Variants in TRPM1 observed in about 807,000 individuals in gnomAD.
TRPM1 encodes the protein transient receptor potential cation channel subfamily M member 1.
Under a neutral mutation model 149.4 loss-of-function variants are expected in TRPM1, and 113 were observed. That is an observed-to-expected ratio of 0.76 (90% confidence interval 0.65 to 0.88). TRPM1 has a LOEUF of 0.88. Among genes scored for constraint, TRPM1 ranks in the 40% least tolerant of loss-of-function variants. The probability of loss-of-function intolerance (pLI) is 0.00; values close to 1 mark genes in which losing one functional copy is unlikely to be tolerated. For missense variants in TRPM1, 1,976 were observed against 2,038.7 expected, an observed-to-expected ratio of 0.97 and a Z score of 0.59; for synonymous variants, 741 against 759.5, an observed-to-expected ratio of 0.98 and a Z score of 0.40.
intron 1 of TRPM1, among the ~76,000 whole-genome samples, chr15:31,092,982 C>G (rs777583613): frequency 3.3e-5 from 5 of 152,094 alleles, no homozygotes; most frequent in African/African-American, 1.2e-4. Flanking sequence ...AATAAGGGGC[C>G]GGGCACAGTG....
intron 27 of TRPM1, among the ~76,000 whole-genome samples, chr15:31,016,839 C>T (rs989335907): frequency 1.3e-5 from 2 of 152,070 alleles, no homozygotes; most frequent in African/African-American, 4.8e-5. Context: ...CTTAATCAGT[C>T]ATGATTAATA....
Position 31,020,469 on chromosome 15 carries a change from G to A in TRPM1, c.3629+5670C>T, listed in dbSNP as rs778610809. On this transcript the variant is annotated intron_variant, in intron 27 of 27. Coordinates refer to ENST00000256552, the MANE Select transcript of TRPM1 (RefSeq NM_001252024.2). ...TGCCTTTCGGCTGTACGGTGTCACC[G>A]ATGAAGGTCATGGGAACCACACTGA... Among the ~76,000 whole-genome samples the A allele has an allele frequency of 5.3e-5, 8 of 152,318 alleles. No homozygotes were observed. The East Asian group carries it at 5.8e-4, about 11-fold the overall frequency.
chr15:31,149,743 T>C (rs112543556), intron 1 of TRPM1, among the ~76,000 whole-genome samples: 1,817 of 152,072 alleles, frequency 0.012, 13 homozygotes, highest in Non-Finnish European at 0.017. Context: ...ATGGTCTCGA[T>C]CTCCTGACCT....
At chr15:31,043,953 G>A (rs913732606) in intron 16 of TRPM1, among the ~76,000 whole-genome samples, 5 of 152,128 alleles carry the variant, frequency 3.3e-5, no homozygotes, top group African/African-American at 1.2e-4. Context: ...AACTGGGAGT[G>A]TAAGGAAAAA....
chr15:31,072,014 T>G (rs200627879), intron 3 of TRPM1, among the ~76,000 whole-genome samples: 3,906 of 27,580 alleles, frequency 0.14, 80 homozygotes, highest in East Asian at 0.21. Context: ...TATATATATA[T>G]ATATAGAGAG....
At chr15:31,027,173 C>T in intron 25 of TRPM1, 56 bp from the exon 26 acceptor site, 1 of 1,545,374 alleles carries the variant, frequency 6.5e-7, no homozygotes, top group Admixed American at 1.7e-5. Context: ...AGTGATTTCC[C>T]AGAGCAGTCA....
intron 27 of TRPM1, among the ~76,000 whole-genome samples, chr15:31,012,592 A>T (rs1370243134): frequency 6.6e-6 from 1 of 152,086 alleles, no homozygotes; most frequent in East Asian, 1.9e-4. Flanking sequence ...ATTGGTATGG[A>T]TCTCCTTGAG....
rs201668928 is a variant in TRPM1, at chr15:31,001,945, A to G, written c.4755T>C (p.Ile1585=). ...LHGHPRNVKS[I]QGKLDRSGHA... is the part of the protein sequence containing the mutation. ...GTCCAGATCTGTCTAACTTTCCCTGAATGGATTTCACATTCCTAGGATGTC... is the reference window on the plus strand; with the variant it reads ...GTCCAGATCTGTCTAACTTTCCCTGGATGGATTTCACATTCCTAGGATGTC... Residue 1585 remains isoleucine, a synonymous_variant, in exon 28 of 28, where the codon ATT becomes ATC. Coordinates refer to ENST00000256552, the MANE Select transcript of TRPM1 (RefSeq NM_001252024.2). 6.9e-5 allele frequency: 112 copies of G among 1,614,034 alleles called. No individual in the cohort carries two copies. Among genetic ancestry groups the G allele is most frequent in the Non-Finnish European group, 9.1e-5 (107 of 1,180,034 alleles).
chr15:31,063,082 A>G (rs774967167), intron 8 of TRPM1, 36 bp downstream of exon 8: 2 of 1,613,538 alleles, frequency 1.2e-6, no homozygotes, highest in Non-Finnish European at 8.5e-7. Flanking sequence ...AGAGGGAGTT[A>G]CGAACCCGCC....
At chr15:31,024,808 T>C (rs1048980192) in intron 27 of TRPM1, among the ~76,000 whole-genome samples, 6 of 152,378 alleles carry the variant, frequency 3.9e-5, no homozygotes, top group Non-Finnish European at 5.9e-5. Context: ...ATAATTTTTA[T>C]ACCTTGAAAG....
intron 27 of TRPM1, among the ~76,000 whole-genome samples, chr15:31,021,534 A>G (rs1000614154): frequency 6.6e-6 from 1 of 152,076 alleles, no homozygotes; most frequent in Non-Finnish European, 1.5e-5. Flanking sequence ...TGTATCTACA[A>G]AATATGCAAA....
chr15:31,011,824 A>G (rs1474262918), intron 27 of TRPM1, among the ~76,000 whole-genome samples: 4 of 151,912 alleles, frequency 2.6e-5, no homozygotes, highest in African/African-American at 9.7e-5. Flanking sequence ...GCCACCACAC[A>G]GGCTAATTTT....
intron 11 of TRPM1, among the ~76,000 whole-genome samples, chr15:31,056,911 C>T (rs1478657108): frequency 6.6e-6 from 1 of 152,200 alleles, no homozygotes. Flanking sequence ...CTGTGGTATT[C>T]TGTTACAGAA....
In TRPM1 at chr15:31,101,547, T is replaced by C. The variant is rs374320876; in HGVS notation, c.-84+110A>G. On this transcript the variant is annotated intron_variant, in intron 1 of 27. Coordinates refer to ENST00000256552, the MANE Select transcript of TRPM1 (RefSeq NM_001252024.2). ...GAGGTTACCAACACCTGAGCTTAACTGCATCTGTGGTTATCTGCACCTGAG... is the reference window on the plus strand; with the variant it reads ...GAGGTTACCAACACCTGAGCTTAACCGCATCTGTGGTTATCTGCACCTGAG... 47 of 618,456 alleles carry C rather than the reference T, an allele frequency of 7.6e-5. 1 individual carries two copies. In the East Asian group the frequency reaches 3.9e-3, roughly 51 times the overall value. 38.3% of individuals were successfully genotyped at this position (618,456 alleles called of 1,614,324 possible).
intron 11 of TRPM1, among the ~76,000 whole-genome samples, chr15:31,054,871 T>C (rs2034042948): frequency 6.6e-6 from 1 of 152,212 alleles, no homozygotes; most frequent in East Asian, 1.9e-4. Flanking sequence ...TGTTGTACAA[T>C]AGGTCTCCAG....
At position 31,041,819 on chromosome 15, in the gene TRPM1, C is replaced by T. The variant is rs189480480; in HGVS notation, c.2087+132G>A. 3.7e-4 allele frequency: 379 copies of T among 1,022,144 alleles called. 6 individuals are homozygous for T. The East Asian group carries it at 8.3e-3, about 22-fold the overall frequency. The allele number at this position is 1,022,144 out of a possible 1,614,324, so 63.3% of individuals were successfully genotyped here. A position where few individuals can be genotyped will look rare whatever the true frequency, so the allele number is the denominator to read the frequency against. Reference sequence around the variant, plus strand: ...GAAAGAAAAATGCTGACATGACAGACGAAGTGATTTGTGAACAAGCTTTAA... The same window carrying T: ...GAAAGAAAAATGCTGACATGACAGATGAAGTGATTTGTGAACAAGCTTTAA... On this transcript the variant is annotated intron_variant, in intron 17 of 27. Transcript: ENST00000256552.
intron 2 of TRPM1, among the ~76,000 whole-genome samples, chr15:31,078,641 C>T (rs947637934): frequency 5.9e-5 from 9 of 152,272 alleles, no homozygotes; most frequent in African/African-American, 1.9e-4. Context: ...AAGCATGGAG[C>T]GGGAGCCTCT....
intron 4 of TRPM1, chr15:31,069,747 C>A: frequency 4.9e-6 from 7 of 1,437,980 alleles, no homozygotes; most frequent in African/African-American, 1.4e-5. Flanking sequence ...GAAGATGGAG[C>A]AATGGAGTGT....
chr15:31,001,569 T>A lies in TRPM1; in HGVS notation c.*253A>T. 1 of 561,078 alleles carries A rather than the reference T, an allele frequency of 1.8e-6. No homozygotes were observed. The highest frequency in any genetic ancestry group is 3.1e-6 in the Non-Finnish European group (1 of 318,456). The allele number at this position is 561,078 out of a possible 1,614,324, so 34.8% of individuals were successfully genotyped here. A position where few individuals can be genotyped will look rare whatever the true frequency, so the allele number is the denominator to read the frequency against. On this transcript the variant is annotated 3_prime_UTR_variant, in exon 28 of 28. Coordinates refer to ENST00000256552, the MANE Select transcript of TRPM1 (RefSeq NM_001252024.2). ...GTAATAAAGAGATTGTATAATCTTG[T>A]ATACTGATTAGCCAATTTATCTTCG...
Sources: gnomAD v4.1 joint callset for allele counts (sites outside exome capture counted in the v4.1 genomes callset) on GRCh38, gnomAD v4.1.1 for gene constraint, MANE v1.5 for transcripts, NCBI Gene and HGNC (gene_info 2026-07-23, HGNC 2026-07-21) for gene names.